Variants in BACH2 observed in about 807,000 individuals in gnomAD.
BACH2 encodes transcription regulator protein BACH2.
Under a neutral mutation model 61.8 loss-of-function variants are expected in BACH2, and 5 were observed. That is an observed-to-expected ratio of 0.08 (90% CI 0.04 to 0.17). BACH2 has a LOEUF of 0.17. Among genes scored for constraint, BACH2 ranks in the 10% least tolerant of loss-of-function variants. The pLI, the probability that BACH2 is intolerant of heterozygous loss-of-function variation, is 1.00. For synonymous variants in BACH2, 446 were observed against 440.1 expected (o/e 1.01, Z -0.17); for missense variants, 824 against 1,091.1 (o/e 0.76, Z 3.45).
At position 90,242,237 on chromosome 6, in the gene BACH2, A is replaced by C. The variant is rs902114811; in HGVS notation, c.-275+10276T>G. On this transcript the variant is annotated intron_variant, in intron 3 of 8. Transcript: ENST00000257749. ...CAGCCCTTAAAATCCACTGTGCTCC[A>C]CCTGTTCATCCTGTCCCCTCTTCCC... is the stretch of plus-strand genomic sequence containing the variant. Among the ~76,000 whole-genome samples the C allele has an allele frequency of 8.5e-5, 13 of 152,206 alleles. No homozygotes were observed. In the East Asian group the frequency reaches 2.5e-3, roughly 29 times the overall value.
intron 4 of BACH2, among the ~76,000 whole-genome samples, chr6:90,201,420 G>C (rs1324222874): frequency 6.6e-6 from 1 of 152,058 alleles, no homozygotes; most frequent in African/African-American, 2.4e-5. Flanking sequence ...GCATTTCTTT[G>C]ATTGCTGTTG....
At chr6:90,172,434 A>T (rs1303487272) in intron 4 of BACH2, among the ~76,000 whole-genome samples, 3 of 151,616 alleles carry the variant, frequency 2.0e-5, no homozygotes, top group East Asian at 1.9e-4. Context: ...ATTCAAAATA[A>T]TTTTTTTTTC....
chr6:89,975,796 G>A (rs977996315), intron 6 of BACH2, among the ~76,000 whole-genome samples: 1 of 152,194 alleles, frequency 6.6e-6, no homozygotes, highest in Admixed American at 6.5e-5. Context: ...TCTCGTTTTG[G>A]ATCTGGTGGC....
chr6:90,185,312 G>A (rs1051247036), intron 4 of BACH2, among the ~76,000 whole-genome samples: 5 of 152,148 alleles, frequency 3.3e-5, no homozygotes, highest in Non-Finnish European at 7.3e-5. Flanking sequence ...TCAGGGGACC[G>A]AAAGCTGGAT....
chr6:90,234,608 G>C (rs1370414406), intron 3 of BACH2, among the ~76,000 whole-genome samples: 1 of 152,168 alleles, frequency 6.6e-6, no homozygotes, highest in Non-Finnish European at 1.5e-5. Flanking sequence ...GAACTAAACT[G>C]TTTATACAAC....
chr6:90,030,608 A>G (rs1323710482), intron 5 of BACH2, among the ~76,000 whole-genome samples: 2 of 152,160 alleles, frequency 1.3e-5, no homozygotes, highest in African/African-American at 4.8e-5. Context: ...ATCTAGAAGA[A>G]ATGGATAAAT....
intron 2 of BACH2, among the ~76,000 whole-genome samples, chr6:90,256,848 C>T (rs1353987416): frequency 6.6e-6 from 1 of 152,190 alleles, no homozygotes; most frequent in Non-Finnish European, 1.5e-5. Flanking sequence ...GTTCATACTA[C>T]TTTGTATCCT....
intron 6 of BACH2, among the ~76,000 whole-genome samples, chr6:89,997,989 T>C (rs1362724372): frequency 1.3e-5 from 2 of 152,226 alleles, no homozygotes; most frequent in Non-Finnish European, 2.9e-5. Flanking sequence ...AAATGATGGC[T>C]TAAAAATAAT....
chr6:89,986,873 C>T (rs1776269938), intron 6 of BACH2, among the ~76,000 whole-genome samples: 1 of 152,292 alleles, frequency 6.6e-6, no homozygotes, highest in East Asian at 1.9e-4. Flanking sequence ...CCCAGGATTT[C>T]AGTATGTCAG....
chr6:89,937,945 GCGCGTGCAGACA>G (rs1773127971), intron 8 of BACH2, among the ~76,000 whole-genome samples, 187 bp downstream of exon 8: 1 of 151,802 alleles, frequency 6.6e-6, no homozygotes, highest in Non-Finnish European at 1.5e-5. Flanking sequence ...GCGCATGCAT[GCGCGTGCAGACA>G]CACAAACACA....
In BACH2 at chr6:90,230,712, C is replaced by T. The variant is rs551170140; in HGVS notation, c.-275+21801G>A. Reference sequence around the variant, plus strand: ...ATGTGGGCTTAATGGCAAAGAAAAGCGATGTGGAGACCTGGCTCTGCCCCC... The same window carrying T: ...ATGTGGGCTTAATGGCAAAGAAAAGTGATGTGGAGACCTGGCTCTGCCCCC... On this transcript the variant is annotated intron_variant, in intron 3 of 8. Coordinates refer to ENST00000257749, the MANE Select transcript of BACH2 (RefSeq NM_021813.4). Among the ~76,000 whole-genome samples, 274 of 152,254 alleles carry T rather than the reference C, an allele frequency of 1.8e-3. 1 individual carries two copies. Among genetic ancestry groups the T allele is most frequent in the Non-Finnish European group, 3.2e-3 (221 of 68,006 alleles).
intron 5 of BACH2, among the ~76,000 whole-genome samples, chr6:90,078,896 GA>G (rs1265459433): frequency 2.0e-5 from 3 of 152,202 alleles, no homozygotes; most frequent in African/African-American, 7.2e-5. Flanking sequence ...GGATGCCAAA[GA>G]AAAATGTGAT....
chr6:89,971,294 G>A (rs1025694523), intron 6 of BACH2, among the ~76,000 whole-genome samples: 3 of 152,178 alleles, frequency 2.0e-5, no homozygotes, highest in African/African-American at 7.2e-5. Context: ...ATGACACCAG[G>A]CATTCTCCTC....
At chr6:90,280,408 T>C (rs971634952) in intron 1 of BACH2, among the ~76,000 whole-genome samples, 1 of 152,210 alleles carries the variant, frequency 6.6e-6, no homozygotes, top group African/African-American at 2.4e-5. Context: ...GACAAATCCA[T>C]TTAAAACTAA....
chr6:90,064,491 G>A (rs62408196), intron 5 of BACH2, among the ~76,000 whole-genome samples: 81 of 152,322 alleles, frequency 5.3e-4, no homozygotes, highest in South Asian at 8.3e-4. Context: ...TAGAGATCTG[G>A]GCTCAATTTG....
At chr6:90,088,453 T>C (rs1002587436) in intron 5 of BACH2, among the ~76,000 whole-genome samples, 1 of 152,174 alleles carries the variant, frequency 6.6e-6, no homozygotes, top group African/African-American at 2.4e-5. Flanking sequence ...GACTTCCAAA[T>C]GTGAAGGTGC....
chr6:89,983,995 G>A (rs1020821324), intron 6 of BACH2, among the ~76,000 whole-genome samples: 3 of 152,116 alleles, frequency 2.0e-5, no homozygotes, highest in African/African-American at 7.2e-5. Context: ...CTTTGTATAG[G>A]TGCCTGACTG....
chr6:90,270,577 A>G (rs575200197), intron 2 of BACH2, among the ~76,000 whole-genome samples: 2 of 152,360 alleles, frequency 1.3e-5, no homozygotes, highest in Admixed American at 1.3e-4. Context: ...GAAATAATCG[A>G]TGGCACAAAC....
At chr6:90,030,778 A>C (rs1176977702) in intron 5 of BACH2, among the ~76,000 whole-genome samples, 4 of 152,062 alleles carry the variant, frequency 2.6e-5, no homozygotes. Flanking sequence ...CAGAGGTACA[A>C]GGAGGGGCTG....
Sources: gnomAD v4.1 joint callset for allele counts (sites outside exome capture counted in the v4.1 genomes callset) on GRCh38, gnomAD v4.1.1 for gene constraint, MANE v1.5 for transcripts, NCBI Gene and HGNC (gene_info 2026-07-23, HGNC 2026-07-21) for gene names.